Variants in SETD3 observed in about 807,000 individuals in gnomAD.
SETD3 encodes actin-histidine N-methyltransferase.
Under a neutral mutation model 63.0 loss-of-function variants are expected in SETD3, and 19 were observed. The observed-to-expected ratio is 0.30, with a 90% confidence interval of 0.21 to 0.44. The LOEUF (loss-of-function observed/expected upper bound fraction) is 0.44, where lower values mean the gene tolerates loss of function less well. Ranked by LOEUF, SETD3 falls within the 20% of genes least tolerant of loss-of-function variation. SETD3 has a pLI of 1.00. For synonymous variants in SETD3, 286 were observed against 264.1 expected (o/e 1.08, Z -0.80); for missense variants, 587 against 728.5 (o/e 0.81, Z 2.24).
chr14:99,476,827 C>T (rs7159260), intron 1 of SETD3, among the ~76,000 whole-genome samples: 150,472 of 152,330 alleles, frequency 0.99, 74,340 homozygotes, highest in East Asian at 1. Context: ...GGATCATAGA[C>T]AGTAATAAAC....
intron 11 of SETD3, among the ~76,000 whole-genome samples, chr14:99,402,852 C>T (rs771234144): frequency 3.9e-5 from 6 of 152,204 alleles, no homozygotes; most frequent in Non-Finnish European, 5.9e-5. Flanking sequence ...TCATGCCTGG[C>T]GCACAGTGAA....
chr14:99,418,644 T>C (rs972928679), intron 6 of SETD3, among the ~76,000 whole-genome samples: 2 of 151,984 alleles, frequency 1.3e-5, no homozygotes, highest in African/African-American at 2.4e-5. Flanking sequence ...TTTGTAAAAA[T>C]TGAGAAAGCA....
intron 1 of SETD3, among the ~76,000 whole-genome samples, 192 bp downstream of exon 1, chr14:99,480,536 G>A (rs1896242914): frequency 6.6e-6 from 1 of 150,654 alleles, no homozygotes; most frequent in African/African-American, 2.4e-5. Context: ...TCCTCGCCCT[G>A]GCCCCCGAGC....
At chr14:99,463,132 T>C (rs909782836) in intron 3 of SETD3, among the ~76,000 whole-genome samples, 1 of 152,234 alleles carries the variant, frequency 6.6e-6, no homozygotes, top group African/African-American at 2.4e-5. Flanking sequence ...CCAATCAGCA[T>C]TTATTTGTTA....
rs144334587 is a variant in SETD3, at chr14:99,402,959, T to G, written c.1177+1266A>C. Among the ~76,000 whole-genome samples the G allele has an allele frequency of 9.4e-3, 1,436 of 152,298 alleles. 21 individuals carry two copies. The highest frequency in any genetic ancestry group is 0.032 in the African/African-American group (1,350 of 41,554). On this transcript the variant is annotated intron_variant, in intron 11 of 12. Transcript: ENST00000331768. ...CAACATTCAATTCTGTATCCATATA[T>G]ATGCAAGAAAAGCTCACAGTTAACC...
intron 12 of SETD3, 57 bp downstream of exon 12, chr14:99,400,042 C>T (rs2139604440): frequency 6.7e-7 from 1 of 1,491,656 alleles, no homozygotes; most frequent in Non-Finnish European, 9.1e-7. Context: ...CACCAAGCCT[C>T]ATTAAACATC....
chr14:99,435,003 C>T lies in SETD3; in HGVS notation c.676-21069G>A, dbSNP rs186834846. The stretch of plus-strand genomic sequence containing the variant: ...TGCTATAGGAGGGTTACTAACTGGC[C>T]CCAGCCTTTTAAAAAAAATTATATT... On this transcript the variant is annotated intron_variant, in intron 6 of 12. Transcript: ENST00000331768. Among the ~76,000 whole-genome samples the T allele has an allele frequency of 2.8e-4, 43 of 151,972 alleles. 3 individuals carry two copies. The East Asian group carries it at 4.0e-3, about 14-fold the overall frequency.
upstream of SETD3, among the ~76,000 whole-genome samples, chr14:99,485,324 G>A (rs181115129): frequency 3.3e-5 from 5 of 152,162 alleles, no homozygotes; most frequent in Admixed American, 2.0e-4. Flanking sequence ...ACTGTTCCCC[G>A]TTCTGCCCCT....
In SETD3 at chr14:99,419,098, C is replaced by T. The variant is rs185340884; in HGVS notation, c.676-5164G>A. 5.0e-3 allele frequency among the ~76,000 whole-genome samples: 762 copies of T among 152,186 alleles called. 8 individuals carry two copies. The highest frequency in any genetic ancestry group is 8.2e-3 in the Non-Finnish European group (561 of 68,004). On this transcript the variant is annotated intron_variant, in intron 6 of 12. Transcript: ENST00000331768. ...CAAAACATGGTTCACATGTTCAGCT[C>T]TTGAGGGAAAAAAATCAATTTTTAA...
chr14:99,469,017 G>A (rs865993748), intron 1 of SETD3, among the ~76,000 whole-genome samples: 11 of 152,236 alleles, frequency 7.2e-5, no homozygotes, highest in African/African-American at 2.6e-4. Context: ...CATCCCCTTG[G>A]AACAGACAGG....
At chr14:99,407,405 A>T (rs1891742391) in intron 8 of SETD3, among the ~76,000 whole-genome samples, 2 of 152,166 alleles carry the variant, frequency 1.3e-5, no homozygotes, top group Admixed American at 1.3e-4. Flanking sequence ...ATTCCTCTGC[A>T]TGGCTATAGT....
chr14:99,416,293 T>C (rs1355934890), intron 6 of SETD3, among the ~76,000 whole-genome samples: 2 of 152,166 alleles, frequency 1.3e-5, no homozygotes, highest in Non-Finnish European at 2.9e-5. Flanking sequence ...TTCCAAAAAT[T>C]ATTAATCTGA....
At chr14:99,473,392 AT>A (rs888272456) in intron 1 of SETD3, among the ~76,000 whole-genome samples, 1 of 151,768 alleles carries the variant, frequency 6.6e-6, no homozygotes, top group African/African-American at 2.4e-5. Flanking sequence ...ATTCACTTGC[AT>A]TTTTTTTCAA....
Position 99,413,939 on chromosome 14 carries a change from G to A in SETD3, c.676-5C>T. 1 of 1,613,564 alleles carries A rather than the reference G, an allele frequency of 6.2e-7. No homozygotes were observed. The highest frequency in any genetic ancestry group is 1.1e-5 in the South Asian group (1 of 91,066). On this transcript the variant is annotated splice_region_variant and splice_polypyrimidine_tract_variant and intron_variant, in intron 6 of 12. Transcript: ENST00000331768. ...TTTGTTGGCATGAGGATGGGTCTGG[G>A]AATTAGAAGTTTTAGAAAGCAGAGG...
In SETD3 at chr14:99,463,535, C is replaced by T. The variant is rs1472636352; in HGVS notation, c.147G>A (p.Glu49=). 3.7e-6 allele frequency: 6 copies of T among 1,614,012 alleles called. No homozygotes were observed. The highest frequency in any genetic ancestry group is 1.3e-5 in the African/African-American group (1 of 74,934). ...CAACCAGAGTCCGGATCTGCACATA[C>T]TCTTCCCACTCTTTTCCTGGGCCAG... ...PAPGPGKEWE[E]YVQIRTLVEK... is the part of the protein sequence containing the mutation. The change falls in exon 3 of 13, where the codon GAG becomes GAA. Residue 49 remains glutamate, a synonymous_variant. Transcript: ENST00000331768.
intron 1 of SETD3, among the ~76,000 whole-genome samples, chr14:99,471,353 G>A (rs1015758293): frequency 2.0e-5 from 3 of 152,208 alleles, no homozygotes; most frequent in African/African-American, 7.2e-5. Context: ...TTCTACTAAT[G>A]AACTATGATA....
chr14:99,400,877 C>T (rs1429058295), intron 11 of SETD3, among the ~76,000 whole-genome samples: 1 of 152,206 alleles, frequency 6.6e-6, no homozygotes, highest in Admixed American at 6.5e-5. Context: ...CAGTGGCTCA[C>T]GCCTGTAATC....
intron 11 of SETD3, 65 bp downstream of exon 11, chr14:99,404,160 T>G: frequency 7.5e-7 from 1 of 1,340,712 alleles, no homozygotes; most frequent in Non-Finnish European, 1.1e-6. Flanking sequence ...TGAATCCCTA[T>G]GCTTTACACT....
chr14:99,403,500 T>TA (rs1215720216), intron 11 of SETD3, among the ~76,000 whole-genome samples: 1 of 134,836 alleles, frequency 7.4e-6, no homozygotes, highest in Non-Finnish European at 1.6e-5. Flanking sequence ...TTCTCTCTCT[T>TA]AAAAATGAAA....
Sources: gnomAD v4.1 joint callset for allele counts (sites outside exome capture counted in the v4.1 genomes callset) on GRCh38, gnomAD v4.1.1 for gene constraint, MANE v1.5 for transcripts, NCBI Gene and HGNC (gene_info 2026-07-23, HGNC 2026-07-21) for gene names.